Variants in CAMTA1 observed in about 807,000 individuals in gnomAD.
The protein encoded by CAMTA1 is calmodulin binding transcription activator 1.
In CAMTA1, 27 loss-of-function variants were observed where a neutral mutation model predicts 170.9. The ratio of observed to expected loss-of-function variants is 0.16; its 90% CI spans 0.12 to 0.22. CAMTA1 has a LOEUF of 0.22. Ranked by LOEUF, CAMTA1 falls within the 10% of genes least tolerant of loss-of-function variation. The pLI is 1.00. For synonymous variants in CAMTA1, 833 were observed against 891.5 expected (o/e 0.93, Z 1.17); for missense variants, 1,619 against 2,217.2 (o/e 0.73, Z 5.42).
At chr1:7,002,894 C>T (rs776613596) in intron 3 of CAMTA1, among the ~76,000 whole-genome samples, 9 of 152,186 alleles carry the variant, frequency 5.9e-5, no homozygotes, top group Admixed American at 1.3e-4. Context: ...TCTCCCTAAG[C>T]GCTCCCCAAA....
At chr1:6,789,056 C>T (rs1200502354) in intron 1 of CAMTA1, among the ~76,000 whole-genome samples, 2 of 152,122 alleles carry the variant, frequency 1.3e-5, no homozygotes, top group Non-Finnish European at 2.9e-5. Flanking sequence ...TGACCTCTTC[C>T]TCCTTTGTCT....
intron 6 of CAMTA1, among the ~76,000 whole-genome samples, chr1:7,636,750 C>G (rs2095715525): frequency 6.6e-6 from 1 of 151,922 alleles, no homozygotes; most frequent in Non-Finnish European, 1.5e-5. Context: ...TTTGTGGACC[C>G]AGAAAACTGA....
intron 6 of CAMTA1, among the ~76,000 whole-genome samples, chr1:7,471,453 C>T (rs932320592): frequency 1.3e-5 from 2 of 152,242 alleles, no homozygotes; most frequent in Admixed American, 1.3e-4. Context: ...AGAGCCATGA[C>T]CTGGAAGAGG....
chr1:7,400,523 A>C (rs1173641036), intron 5 of CAMTA1, among the ~76,000 whole-genome samples: 1 of 151,420 alleles, frequency 6.6e-6, no homozygotes, highest in Middle Eastern at 3.2e-3. Context: ...TGTTTCTCTG[A>C]TGGTGTCATA....
At position 7,596,000 on chromosome 1, in the gene CAMTA1, C is replaced by G. The variant is rs76486421; in HGVS notation, c.511-44400C>G. On this transcript the variant is annotated intron_variant, in intron 6 of 22. Coordinates refer to ENST00000303635, the MANE Select transcript of CAMTA1 (RefSeq NM_015215.4). Reference sequence around the variant, plus strand: ...TCAGCCTCTGCCTCCTCTTGGCTTCCTGGGGACCCCGGCTTCAGCAACAGC... The same window carrying G: ...TCAGCCTCTGCCTCCTCTTGGCTTCGTGGGGACCCCGGCTTCAGCAACAGC... Among the ~76,000 whole-genome samples the G allele has an allele frequency of 4.5e-3, 688 of 152,348 alleles. 6 individuals are homozygous for G. Among genetic ancestry groups the G allele is most frequent in the African/African-American group, 0.016 (669 of 41,578 alleles).
chr1:7,352,021 G>A (rs988186153), intron 5 of CAMTA1, among the ~76,000 whole-genome samples: 1 of 151,540 alleles, frequency 6.6e-6, no homozygotes, highest in East Asian at 1.9e-4. Flanking sequence ...TGAAACCATC[G>A]GGAAAGCGCC....
At chr1:7,378,304 G>A (rs2087001737) in intron 5 of CAMTA1, among the ~76,000 whole-genome samples, 1 of 152,218 alleles carries the variant, frequency 6.6e-6, no homozygotes, top group Non-Finnish European at 1.5e-5. Context: ...TAGCTTCAGA[G>A]AGAGAGAGGA....
At chr1:6,898,515 T>TGC (rs1676147967) in intron 3 of CAMTA1, among the ~76,000 whole-genome samples, 2 of 152,314 alleles carry the variant, frequency 1.3e-5, no homozygotes, top group South Asian at 4.1e-4. Context: ...ATCGCACCAC[T>TGC]ATACTCCAGC....
rs116444418 is a variant in CAMTA1 at position 7,037,488 on chromosome 1, C to T, written c.235-53816C>T. 7.1e-4 allele frequency among the ~76,000 whole-genome samples: 108 copies of T among 152,288 alleles called. 1 individual carries two copies. Among genetic ancestry groups the T allele is most frequent in the Middle Eastern group, 3.4e-3 (1 of 294 alleles). ...TGCTTTCTCTCTCTGCTGGGTTCTT[C>T]GCATTGGGCTTTATGCTACTTCGAA... On this transcript the variant is annotated intron_variant, in intron 3 of 22. Coordinates refer to ENST00000303635, the MANE Select transcript of CAMTA1 (RefSeq NM_015215.4).
At chr1:7,344,088 A>G (rs1268208029) in intron 5 of CAMTA1, among the ~76,000 whole-genome samples, 1 of 152,194 alleles carries the variant, frequency 6.6e-6, no homozygotes, top group African/African-American at 2.4e-5. Flanking sequence ...CCACACAACC[A>G]CATCATGGGT....
chr1:7,624,035 A>G (rs1225299039), intron 6 of CAMTA1, among the ~76,000 whole-genome samples: 4 of 152,226 alleles, frequency 2.6e-5, no homozygotes, highest in Admixed American at 1.3e-4. Flanking sequence ...TGATTTCTTC[A>G]CACTTCACAA....
chr1:7,514,922 A>G (rs1189943678), intron 6 of CAMTA1, among the ~76,000 whole-genome samples: 1 of 152,122 alleles, frequency 6.6e-6, no homozygotes, highest in African/African-American at 2.4e-5. Flanking sequence ...CCTAAAGAGC[A>G]AATGTCTGTT....
At chr1:6,891,109 T>G (rs1334702063) in intron 3 of CAMTA1, among the ~76,000 whole-genome samples, 1 of 152,140 alleles carries the variant, frequency 6.6e-6, no homozygotes, top group African/African-American at 2.4e-5. Flanking sequence ...TAAAGACATT[T>G]CTCTTTCCTT....
chr1:7,702,830 C>A (rs968494171), intron 11 of CAMTA1, among the ~76,000 whole-genome samples: 9 of 152,286 alleles, frequency 5.9e-5, no homozygotes, highest in African/African-American at 2.2e-4. Context: ...CCAACCCCAG[C>A]CTCCAGCCAC....
chr1:7,651,477 T>G (rs555377865), intron 7 of CAMTA1, among the ~76,000 whole-genome samples: 96 of 152,338 alleles, frequency 6.3e-4, no homozygotes, highest in Non-Finnish European at 1.2e-3. Context: ...AGGGGACAGG[T>G]AGCTGGTTCT....
At chr1:7,035,862 G>T (rs1035764563) in intron 3 of CAMTA1, among the ~76,000 whole-genome samples, 1 of 152,142 alleles carries the variant, frequency 6.6e-6, no homozygotes, top group Admixed American at 6.5e-5. Flanking sequence ...CAAATAAATT[G>T]CAGTATTCTT....
intron 3 of CAMTA1, among the ~76,000 whole-genome samples, chr1:6,935,814 T>C (rs1487426016): frequency 6.6e-6 from 1 of 152,164 alleles, no homozygotes; most frequent in African/African-American, 2.4e-5. Context: ...GTTAGTTGCA[T>C]CTCAGAATGG....
intron 3 of CAMTA1, among the ~76,000 whole-genome samples, chr1:6,854,691 CAA>C (rs1276178683): frequency 6.6e-6 from 1 of 152,112 alleles, no homozygotes; most frequent in African/African-American, 2.4e-5. Context: ...ATCATACTTA[CAA>C]AGACAGGTTT....
intron 5 of CAMTA1, among the ~76,000 whole-genome samples, chr1:7,261,192 C>CA (rs1558322753): frequency 6.6e-6 from 1 of 152,154 alleles, no homozygotes; most frequent in African/African-American, 2.4e-5. Context: ...CAAGTGGCTG[C>CA]GGGTTCCTTC....
Sources: allele counts gnomAD v4.1 joint callset (sites outside exome capture counted in the v4.1 genomes callset), GRCh38; gene constraint gnomAD v4.1.1; transcripts MANE v1.5; gene names NCBI Gene and HGNC (gene_info 2026-07-23, HGNC 2026-07-21).